Variants in ATP8B4 observed in about 807,000 individuals in gnomAD.
The protein encoded by ATP8B4 is ATPase phospholipid transporting 8B4 (putative), also known as probable phospholipid-transporting ATPase IM.
A neutral mutation model predicts 145.6 loss-of-function variants in ATP8B4; 133 were observed. The ratio of observed to expected loss-of-function variants is 0.91; its 90% CI spans 0.79 to 1.05. The LOEUF is 1.05. Among genes scored for constraint, ATP8B4 ranks in the 50% least tolerant of loss-of-function variants. ATP8B4 has a pLI of 0.00. For synonymous variants in ATP8B4, 507 were observed against 492.9 expected (o/e 1.03, Z -0.38); for missense variants, 1,458 against 1,425.2 (o/e 1.02, Z -0.37).
chr15:50,058,104 T>G (rs1170350766), intron 3 of ATP8B4, among the ~76,000 whole-genome samples: 1 of 152,186 alleles, frequency 6.6e-6, no homozygotes, highest in Non-Finnish European at 1.5e-5. Flanking sequence ...TGTATTTCAG[T>G]GGGACTTTCC....
chr15:50,032,326 C>T (rs980084360), intron 6 of ATP8B4, among the ~76,000 whole-genome samples: 6 of 152,142 alleles, frequency 3.9e-5, no homozygotes, highest in Non-Finnish European at 8.8e-5. Context: ...AGAATAATGG[C>T]TTCCAGCTTC....
intron 21 of ATP8B4, among the ~76,000 whole-genome samples, chr15:49,900,834 C>T (rs2037941411): frequency 6.6e-6 from 1 of 152,170 alleles, no homozygotes; most frequent in Non-Finnish European, 1.5e-5. Flanking sequence ...GGTCTATAGT[C>T]ATTTAGACAA....
intron 23 of ATP8B4, among the ~76,000 whole-genome samples, chr15:49,890,813 C>T (rs1233299537): frequency 1.3e-5 from 2 of 152,114 alleles, no homozygotes; most frequent in Non-Finnish European, 2.9e-5. Flanking sequence ...ATTCCAAATC[C>T]GAGCCACCTT....
intron 2 of ATP8B4, among the ~76,000 whole-genome samples, chr15:50,104,017 T>C (rs561306678): frequency 5.9e-5 from 9 of 152,160 alleles, no homozygotes; most frequent in East Asian, 5.8e-4. Context: ...GCTGGGATAA[T>C]TGGCAAGCCA....
At chr15:50,123,991 T>G (rs2153678255), upstream of ATP8B4, among the ~76,000 whole-genome samples, 1 of 152,264 alleles carries the variant, frequency 6.6e-6, no homozygotes, top group South Asian at 2.1e-4. Context: ...ATTCAGAACC[T>G]CCTTACCTCA....
chr15:49,915,972 T>C lies in ATP8B4; in HGVS notation c.2141+962A>G, dbSNP rs535496151. 9.2e-5 allele frequency among the ~76,000 whole-genome samples: 14 copies of C among 152,038 alleles called. 1 individual carries two copies. The highest frequency in any genetic ancestry group is 2.7e-4 in the African/African-American group (11 of 41,476). On this transcript the variant is annotated intron_variant, in intron 20 of 27. Transcript: ENST00000284509. ...AGAATAGTTTAATGACAGAGACATA[T>C]TTGGGAAGCCACAGAGCTCTACTAT... is the stretch of plus-strand genomic sequence containing the variant.
chr15:50,093,253 T>TA (rs1025903317), intron 2 of ATP8B4, among the ~76,000 whole-genome samples: 2 of 151,602 alleles, frequency 1.3e-5, no homozygotes, highest in African/African-American at 4.8e-5. Flanking sequence ...TGCAGAAAAA[T>TA]AAAAAATAAC....
At position 50,038,740 on chromosome 15, in the gene ATP8B4, A is replaced by G. The variant is rs373062138; in HGVS notation, c.362+28T>C. ...CTGTTTCAGGGTCCTAGAAATTTTC[A>G]GAATAACCCACAGAATGTATTTCTT... On this transcript the variant is annotated intron_variant, in intron 6 of 27. Coordinates refer to ENST00000284509, the MANE Select transcript of ATP8B4 (RefSeq NM_024837.4). 2.2e-4 allele frequency: 356 copies of G among 1,587,126 alleles called. 1 individual carries two copies. The African/African-American group carries it at 4.4e-3, about 19-fold the overall frequency.
chr15:49,997,040 T>C (rs2047488839), intron 8 of ATP8B4, among the ~76,000 whole-genome samples: 2 of 152,170 alleles, frequency 1.3e-5, no homozygotes, highest in Non-Finnish European at 2.9e-5. Context: ...TGGTTTCATT[T>C]GAACCTACTC....
At chr15:49,942,515 G>C (rs879270034) in intron 14 of ATP8B4, among the ~76,000 whole-genome samples, 4 of 151,970 alleles carry the variant, frequency 2.6e-5, no homozygotes, top group Non-Finnish European at 5.9e-5. Flanking sequence ...TGAAATTGGA[G>C]AGAGCACTGG....
In ATP8B4 at chr15:49,895,687, A is replaced by C. The variant is rs73396959; in HGVS notation, c.2697+1605T>G. 1.4e-3 allele frequency: 213 copies of C among 152,344 alleles called. 1 individual carries two copies. Among genetic ancestry groups the C allele is most frequent in the African/African-American group, 4.8e-3 (199 of 41,580 alleles). 9.4% of individuals were successfully genotyped at this position (152,344 alleles called of 1,614,324 possible). On this transcript the variant is annotated intron_variant, in intron 23 of 27. Coordinates refer to ENST00000284509, the MANE Select transcript of ATP8B4 (RefSeq NM_024837.4). ...TCTTTTAAAATGCAAATACCAGTGAAAGAATAAAAATTCTAGTTGCTTAAT... is the reference window on the plus strand; with the variant it reads ...TCTTTTAAAATGCAAATACCAGTGACAGAATAAAAATTCTAGTTGCTTAAT...
chr15:50,004,425 A>G lies in ATP8B4; in HGVS notation c.436-2202T>C, dbSNP rs569556726. Among the ~76,000 whole-genome samples, 39 of 152,204 alleles carry G rather than the reference A, an allele frequency of 2.6e-4. 1 individual carries two copies. Among genetic ancestry groups the G allele is most frequent in the African/African-American group, 8.9e-4 (37 of 41,538 alleles). On this transcript the variant is annotated intron_variant, in intron 7 of 27. Coordinates refer to ENST00000284509, the MANE Select transcript of ATP8B4 (RefSeq NM_024837.4). ...GTGCCAGGAGTGGAGCAACCCATGA[A>G]TTTTGGGGCCCACTTTCCCCAGGAC...
At chr15:49,956,054 A>G (rs1383206940) in intron 14 of ATP8B4, among the ~76,000 whole-genome samples, 2 of 152,200 alleles carry the variant, frequency 1.3e-5, no homozygotes. Context: ...AGAAAAAAAT[A>G]GTGGGAAAAG....
In ATP8B4 at chr15:49,898,213, T is replaced by A; in HGVS notation, c.2328A>T (p.Leu776=). The A allele has an allele frequency of 3.1e-6, 5 of 1,613,826 alleles. No homozygotes were observed. Among genetic ancestry groups the A allele is most frequent in the Non-Finnish European group, 4.2e-6 (5 of 1,179,826 alleles). The change falls in exon 22 of 28, where the codon CTA becomes CTT. Residue 776 remains leucine (L), a synonymous_variant. Transcript: ENST00000284509. ...ALESDVKNDL[L]ELACMCKTVI... ...CAGTCTTACACATGCAAGCAAGTTC[T>A]AGGAGATCATTCTTGACATCACTTT... is the stretch of plus-strand genomic sequence containing the variant.
rs568929081 is a variant in ATP8B4, at chr15:49,916,817, T to C, written c.2141+117A>G. On this transcript the variant is annotated intron_variant, in intron 20 of 27. Transcript: ENST00000284509. ...TAGGAAACATGCACAAAGAACTTTATACTAAGTTAAGACCACAGGAAACTA... is the reference window on the plus strand; with the variant it reads ...TAGGAAACATGCACAAAGAACTTTACACTAAGTTAAGACCACAGGAAACTA... 40 of 888,734 alleles carry C rather than the reference T, an allele frequency of 4.5e-5. No homozygotes were observed. The African/African-American group carries it at 6.2e-4, about 14-fold the overall frequency. The allele number at this position is 888,734 out of a possible 1,614,324, so 55.1% of individuals were successfully genotyped here.
chr15:50,138,314 A>ATAGATAGG (rs1595637151), intron 1 of ATP8B4, among the ~76,000 whole-genome samples: 1 of 131,804 alleles, frequency 7.6e-6, no homozygotes, highest in African/African-American at 2.8e-5. Flanking sequence ...ACATATATAG[A>ATAGATAGG]TAGATAGATA....
intron 7 of ATP8B4, chr15:50,009,573 G>T (rs563867125): frequency 6.8e-5 from 27 of 395,166 alleles, no homozygotes; most frequent in African/African-American, 4.7e-4. Context: ...TTCTCTCCCA[G>T]TTCCCCATCT....
intron 1 of ATP8B4, among the ~76,000 whole-genome samples, chr15:50,146,746 G>A (rs2044282372): frequency 6.6e-6 from 1 of 152,090 alleles, no homozygotes; most frequent in South Asian, 2.1e-4. Context: ...GGTTGTATTG[G>A]GTAAAAGGGA....
intron 12 of ATP8B4, among the ~76,000 whole-genome samples, chr15:49,975,514 A>T (rs1567120507): frequency 6.6e-6 from 1 of 151,954 alleles, no homozygotes; most frequent in Non-Finnish European, 1.5e-5. Flanking sequence ...ACAAGAAAAA[A>T]CTCTGTACAT....
Sources: allele counts gnomAD v4.1 joint callset (sites outside exome capture counted in the v4.1 genomes callset), GRCh38; gene constraint gnomAD v4.1.1; transcripts MANE v1.5; gene names NCBI Gene and HGNC (gene_info 2026-07-23, HGNC 2026-07-21).